Variants in FUT8 observed in about 807,000 individuals in gnomAD.
The protein encoded by FUT8 is fucosyltransferase 8, also known as alpha-(1,6)-fucosyltransferase.
In FUT8, 29 loss-of-function variants were observed where a neutral mutation model predicts 71.3. The observed-to-expected ratio is 0.41, with a 90% CI of 0.30 to 0.55. The LOEUF (loss-of-function observed/expected upper bound fraction) is 0.55, where lower values mean the gene tolerates loss of function less well. FUT8 is among the 20% of genes least tolerant of loss of function. FUT8 has a pLI of 0.34. For synonymous variants in FUT8, 254 were observed against 239.3 expected (o/e 1.06, Z -0.57); for missense variants, 544 against 702.1 (o/e 0.77, Z 2.55).
At chr14:65,392,230 C>A in the FUT8 span, among the ~76,000 whole-genome samples, 2 of 152,236 alleles carry the variant, frequency 1.3e-5, no homozygotes, top group Non-Finnish European at 2.9e-5. Context: ...CCGCGCCCGG[C>A]TAACTTTTTT....
At chr14:65,703,638 C>T (rs947229774) in intron 7 of FUT8, among the ~76,000 whole-genome samples, 4 of 152,180 alleles carry the variant, frequency 2.6e-5, no homozygotes, top group Non-Finnish European at 5.9e-5. Context: ...CATCTTTCTT[C>T]CACAATGGAA....
intron 3 of FUT8, among the ~76,000 whole-genome samples, chr14:65,609,172 G>A (rs1888743122): frequency 1.3e-5 from 2 of 151,518 alleles, no homozygotes; most frequent in Admixed American, 1.3e-4. Flanking sequence ...GCGCGCTCCT[G>A]TAGTCCCAGC....
At chr14:65,508,398 G>T (rs1053964059) in intron 2 of FUT8, among the ~76,000 whole-genome samples, 23 of 145,710 alleles carry the variant, frequency 1.6e-4, no homozygotes, top group Non-Finnish European at 1.5e-5. Flanking sequence ...GTGTTTGCTA[G>T]TTGTATGTCT....
intron 2 of FUT8, among the ~76,000 whole-genome samples, chr14:65,487,327 G>T (rs1449591875): frequency 6.6e-6 from 1 of 152,078 alleles, no homozygotes; most frequent in Non-Finnish European, 1.5e-5. Flanking sequence ...ACTTTGGGAG[G>T]CCAGGCAGGC....
chr14:65,557,340 T>A (rs1885641837), intron 2 of FUT8, among the ~76,000 whole-genome samples: 2 of 151,628 alleles, frequency 1.3e-5, no homozygotes, highest in South Asian at 4.2e-4. Flanking sequence ...TCTCCCCTTT[T>A]TTTTTTTTTT....
In FUT8 at chr14:65,489,087, T is replaced by G. The variant is rs758975324; in HGVS notation, c.-228+33369T>G. Among the ~76,000 whole-genome samples the G allele has an allele frequency of 1.3e-5, 2 of 152,206 alleles. No homozygotes were observed. Among genetic ancestry groups the G allele is most frequent in the African/African-American group, 4.8e-5 (2 of 41,460 alleles). On this transcript the variant is annotated intron_variant, in intron 2 of 10. Transcript: ENST00000673929. This position sits in a 1 kb window ranked among gnomAD's most constrained non-coding sequence, Gnocchi z 4.0. ...TAGTATTGTCATGTAGTATTAAGTA[T>G]TTTTCCATCAATGATTAGAAAGTTA...
At position 65,529,865 on chromosome 14, in the gene FUT8, A is replaced by G. The variant is rs1403664069; in HGVS notation, c.-227-31472A>G. On this transcript the variant is annotated intron_variant, in intron 2 of 10. Transcript: ENST00000673929. ...ACCCTCATTTCTAAGATGGACCTCT[A>G]TTGAGTGACTCTCTGTTGGATGTCC... 5.3e-5 allele frequency among the ~76,000 whole-genome samples: 8 copies of G among 152,240 alleles called. 1 individual carries two copies. The highest frequency in any genetic ancestry group is 1.9e-4 in the East Asian group (1 of 5,182).
At chr14:65,415,083 C>T (rs192561379) in intron 1 of FUT8, among the ~76,000 whole-genome samples, 41 of 152,170 alleles carry the variant, frequency 2.7e-4, no homozygotes, top group Non-Finnish European at 2.2e-4. Context: ...ATTGGAGTGT[C>T]CTTAAAAGTG....
intron 1 of FUT8, among the ~76,000 whole-genome samples, chr14:65,421,939 C>T (rs1236632045): frequency 2.0e-5 from 3 of 152,044 alleles, no homozygotes; most frequent in Non-Finnish European, 4.4e-5. Flanking sequence ...TCCTTCCAGA[C>T]TTTCAGGATG....
intron 1 of FUT8, among the ~76,000 whole-genome samples, chr14:65,430,010 A>G (rs1195800792): frequency 7.5e-6 from 1 of 133,084 alleles, no homozygotes; most frequent in African/African-American, 3.0e-5. Context: ...TATTGCAAGA[A>G]TCTTTTTTTG....
At chr14:65,623,032 A>G (rs1005513242) in intron 5 of FUT8, among the ~76,000 whole-genome samples, 3 of 151,412 alleles carry the variant, frequency 2.0e-5, no homozygotes, top group African/African-American at 7.3e-5. Context: ...CTGGGACTAT[A>G]GGCGTGTGTC....
the FUT8 span, among the ~76,000 whole-genome samples, chr14:65,375,878 G>T: frequency 3.6e-4 from 55 of 151,924 alleles, no homozygotes; most frequent in Admixed American, 2.0e-3. Flanking sequence ...ATCACTTGAG[G>T]CCAGGAGTTC....
chr14:65,529,689 C>G (rs554620899), intron 2 of FUT8: 3 of 152,566 alleles, frequency 2.0e-5, no homozygotes, highest in African/African-American at 7.2e-5. Flanking sequence ...GGCTTGGTCA[C>G]TTAGCGGGGG....
the FUT8 span, among the ~76,000 whole-genome samples, chr14:65,377,217 ACT>A: frequency 6.6e-6 from 1 of 152,084 alleles, no homozygotes; most frequent in South Asian, 2.1e-4. Flanking sequence ...CTAGGTCCAA[ACT>A]CCCTCTAGCT....
At chr14:65,694,630 C>T (rs1016407955) in intron 7 of FUT8, among the ~76,000 whole-genome samples, 1 of 152,184 alleles carries the variant, frequency 6.6e-6, no homozygotes, top group Admixed American at 6.5e-5. Flanking sequence ...ATAGCAAAGA[C>T]TTGGAATCAA....
rs570288738 is a variant in FUT8 at position 65,444,581 on chromosome 14, A to G, written c.-325-11040A>G. ...TGTGTGAATGGACAAACTATGGTACATCATACAATGGATGATGTACCAATT... is the reference window on the plus strand; with the variant it reads ...TGTGTGAATGGACAAACTATGGTACGTCATACAATGGATGATGTACCAATT... On this transcript the variant is annotated intron_variant, in intron 1 of 10. Coordinates refer to ENST00000673929, the MANE Select transcript of FUT8 (RefSeq NM_001371533.1). 3.7e-4 allele frequency among the ~76,000 whole-genome samples: 56 copies of G among 152,354 alleles called. 2 individuals carry two copies. The South Asian group carries it at 5.2e-3, about 14-fold the overall frequency.
intron 2 of FUT8, among the ~76,000 whole-genome samples, chr14:65,516,874 G>A (rs1006175201): frequency 2.0e-5 from 3 of 150,912 alleles, no homozygotes; most frequent in Admixed American, 6.6e-5. Flanking sequence ...ATAATTCCCC[G>A]TTACTTATTA....
intron 2 of FUT8, among the ~76,000 whole-genome samples, chr14:65,500,099 A>G (rs529155888): frequency 6.6e-6 from 1 of 152,302 alleles, no homozygotes; most frequent in Non-Finnish European, 1.5e-5. Context: ...GTAGATTCTT[A>G]TTCAGTAGTT....
At chr14:65,390,675 C>A in the FUT8 span, among the ~76,000 whole-genome samples, 1 of 151,684 alleles carries the variant, frequency 6.6e-6, no homozygotes, top group African/African-American at 2.4e-5. Flanking sequence ...TTACTACTAT[C>A]ACCCCAGGAA....
Sources: gnomAD v4.1 joint callset for allele counts (sites outside exome capture counted in the v4.1 genomes callset) on GRCh38, gnomAD v4.1.1 for gene constraint, Gnocchi (gnomAD v3.1) non-coding constraint, MANE v1.5 for transcripts, NCBI Gene and HGNC (gene_info 2026-07-23, HGNC 2026-07-21) for gene names.